CSMD1: variants seen among roughly 807,000 people sequenced by gnomAD.
CSMD1 encodes the protein CUB and sushi domain-containing protein 1.
Under a neutral mutation model 417.5 loss-of-function variants are expected in CSMD1, and 213 were observed. The observed-to-expected ratio is 0.51, with a 90% CI of 0.46 to 0.57. The LOEUF (loss-of-function observed/expected upper bound fraction) is 0.57. CSMD1 is among the 20% of genes least tolerant of loss of function. The pLI is 0.00. For missense variants in CSMD1, 6,923 were observed against 4,529.7 expected (o/e 1.53, Z -15.17); for synonymous variants, 2,862 against 1,736.8 (o/e 1.65, Z -16.11).
chr8:3,601,721 G>A (rs969167446), intron 8 of CSMD1, among the ~76,000 whole-genome samples: 3 of 152,214 alleles, frequency 2.0e-5, no homozygotes, highest in African/African-American at 7.2e-5. Context: ...CAATATTAAA[G>A]CAGTGAACAT....
At position 4,787,492 on chromosome 8, in the gene CSMD1, C is replaced by T. The variant is rs573910982; in HGVS notation, c.86-149934G>A. The T allele has an allele frequency of 1.3e-4, 115 of 889,440 alleles. 1 individual carries two copies. The South Asian group carries it at 1.6e-3, about 12-fold the overall frequency. The allele number at this position is 889,440 out of a possible 1,614,324, so 55.1% of individuals were successfully genotyped here. On this transcript the variant is annotated intron_variant, in intron 1 of 69. Coordinates refer to ENST00000635120, the MANE Select transcript of CSMD1 (RefSeq NM_033225.6). ...GAAAAGCTGCAATCTCAAAGAAAAT[C>T]ACCAGTTGTATTTTTCAGTTATTAT...
chr8:4,881,651 T>C (rs1803409880), intron 1 of CSMD1, among the ~76,000 whole-genome samples: 1 of 151,840 alleles, frequency 6.6e-6, no homozygotes, highest in South Asian at 2.1e-4. Flanking sequence ...CTATGCAAAG[T>C]TTTAAATACA....
rs562169709 is a variant in CSMD1, at chr8:2,968,515, C to T, written c.8924-1769G>A. On this transcript the variant is annotated intron_variant, in intron 57 of 69. Transcript: ENST00000635120. ...TTAATGAATGAGTACCAGCATAATGCTATCCTAATATTGGGAATGTCCCCT... is the reference window on the plus strand; with the variant it reads ...TTAATGAATGAGTACCAGCATAATGTTATCCTAATATTGGGAATGTCCCCT... Among the ~76,000 whole-genome samples, 35 of 152,322 alleles carry T rather than the reference C, an allele frequency of 2.3e-4. No homozygotes were observed. In the South Asian group the frequency reaches 6.8e-3, roughly 30 times the overall value.
At chr8:4,061,047 G>C (rs1273554130) in intron 3 of CSMD1, among the ~76,000 whole-genome samples, 1 of 121,490 alleles carries the variant, frequency 8.2e-6, no homozygotes, top group African/African-American at 2.9e-5. Flanking sequence ...AATTTATGAT[G>C]TACAAAATGC....
chr8:3,347,858 A>T, intron 22 of CSMD1, 134 bp downstream of exon 22: 1 of 581,698 alleles, frequency 1.7e-6, no homozygotes, highest in South Asian at 3.5e-5. Context: ...CTCATTGTGT[A>T]AATAAATACA....
Position 3,854,159 on chromosome 8 carries a change from TAAAA to T in CSMD1, c.819-100121_819-100118del, listed in dbSNP as rs10712212. On this transcript the variant is annotated intron_variant, in intron 5 of 69. Coordinates refer to ENST00000635120, the MANE Select transcript of CSMD1 (RefSeq NM_033225.6). ...AAACTCTATTAAAGTATAATAATAA[TAAAA>T]AAAAAAAAACACGTCTTGGAAATGG... is the stretch of plus-strand genomic sequence containing the variant. Among the ~76,000 whole-genome samples, 378 of 139,558 alleles carry T rather than the reference TAAAA, an allele frequency of 2.7e-3. 1 individual carries two copies. The highest frequency in any genetic ancestry group is 3.4e-3 in the African/African-American group (134 of 39,130). 91.6% of individuals were successfully genotyped at this position (139,558 alleles called of 152,430 possible). A position where few individuals can be genotyped will look rare whatever the true frequency, so the allele number is the denominator to read the frequency against.
intron 61 of CSMD1, among the ~76,000 whole-genome samples, chr8:2,962,178 T>C (rs1803548751): frequency 6.6e-6 from 1 of 152,136 alleles, no homozygotes; most frequent in Admixed American, 6.5e-5. Context: ...CCCTAAACAA[T>C]GCAATTGGCA....
At chr8:3,557,139 C>G (rs1369795928) in intron 10 of CSMD1, among the ~76,000 whole-genome samples, 3 of 152,190 alleles carry the variant, frequency 2.0e-5, no homozygotes, top group Non-Finnish European at 2.9e-5. Flanking sequence ...TTCACTGCCA[C>G]AAATATATTT....
At chr8:3,399,659 T>C (rs1811919963) in intron 15 of CSMD1, 130 bp from the exon 16 acceptor site, 1 of 656,866 alleles carries the variant, frequency 1.5e-6, no homozygotes, top group Admixed American at 3.7e-5. Flanking sequence ...AAAGCAAATC[T>C]TATTCCCAAG....
At chr8:3,852,590 T>A (rs1238671956) in intron 5 of CSMD1, among the ~76,000 whole-genome samples, 5 of 152,122 alleles carry the variant, frequency 3.3e-5, no homozygotes, top group Admixed American at 3.3e-4. Context: ...CTTACTCGTG[T>A]CAGCTATCTC....
At chr8:3,251,457 GT>G (rs1800250315) in intron 26 of CSMD1, among the ~76,000 whole-genome samples, 1 of 152,118 alleles carries the variant, frequency 6.6e-6, no homozygotes, top group Admixed American at 6.5e-5. Flanking sequence ...TGCTGTTTTG[GT>G]TACTGTAGCC....
chr8:4,927,444 G>A (rs77663313), intron 1 of CSMD1, among the ~76,000 whole-genome samples: 3,036 of 152,210 alleles, frequency 0.02, 89 homozygotes, highest in African/African-American at 0.069. Context: ...AAAGTTTAAT[G>A]TAGGACTCAA....
chr8:3,162,175 G>C lies in CSMD1; in HGVS notation c.5828C>G (p.Pro1943Arg), dbSNP rs1287323155. 7 of 1,604,550 alleles carry C rather than the reference G, an allele frequency of 4.4e-6. No individual in the cohort carries two copies. The highest frequency in any genetic ancestry group is 5.1e-6 in the Non-Finnish European group (6 of 1,174,520). Residue 1943 changes from proline to arginine, a missense_variant, in exon 38 of 70, where the codon CCC becomes CGC. Physicochemically the swap from Pro to Arg is moderately radical, Grantham distance 103 (BLOSUM62 -2). Transcript: ENST00000635120. ...GAAGGATACCTGCAGGGTGTACCCG[G>C]GCTCGCACTGGAAGGAGAGCACGTC... ...VNDVLSFQCEPGYTLQGRSHI... is the reference protein window; with the variant it reads ...VNDVLSFQCERGYTLQGRSHI...
chr8:3,258,542 T>G (rs554970669), intron 26 of CSMD1, among the ~76,000 whole-genome samples: 2 of 152,220 alleles, frequency 1.3e-5, no homozygotes, highest in Non-Finnish European at 2.9e-5. Flanking sequence ...TGGTGATTCC[T>G]CAAAGACCTA....
At chr8:4,969,624 G>T in intron 1 of CSMD1, among the ~76,000 whole-genome samples, 1 of 151,924 alleles carries the variant, frequency 6.6e-6, no homozygotes, top group East Asian at 1.9e-4. Context: ...ACATAGGGCT[G>T]TGCTTTTGAA....
intron 1 of CSMD1, among the ~76,000 whole-genome samples, chr8:4,925,215 G>GTTTTTTTTTTTTTTTTTTTTTT (rs10692207): frequency 5.5e-5 from 4 of 72,734 alleles, no homozygotes; most frequent in Admixed American, 2.5e-4. Context: ...CAGTTTTATG[G>GTTTTTTTTTTTTTTTTTTTTTT]TTTTTTTTTT....
intron 2 of CSMD1, among the ~76,000 whole-genome samples, chr8:4,504,878 G>C (rs1299433143): frequency 1.3e-5 from 2 of 152,138 alleles, no homozygotes; most frequent in African/African-American, 4.8e-5. Context: ...TATCCAGTCT[G>C]TCATTGATGG....
chr8:4,201,853 A>C (rs1173861644), intron 3 of CSMD1, among the ~76,000 whole-genome samples: 5 of 143,834 alleles, frequency 3.5e-5, no homozygotes, highest in African/African-American at 7.9e-5. Flanking sequence ...AATTGTGTCT[A>C]ATTAACAGTG....
chr8:4,030,259 T>G (rs111255423), intron 4 of CSMD1, among the ~76,000 whole-genome samples: 3 of 152,134 alleles, frequency 2.0e-5, no homozygotes, highest in African/African-American at 7.2e-5. Context: ...ATTTCCCTCC[T>G]GCACTGCCCT....
Sources: gnomAD v4.1 joint callset for allele counts (sites outside exome capture counted in the v4.1 genomes callset) on GRCh38, gnomAD v4.1.1 for gene constraint, MANE v1.5 for transcripts, NCBI Gene and HGNC (gene_info 2026-07-23, HGNC 2026-07-21) for gene names.